Variants in ZNF587B observed in about 807,000 individuals in gnomAD.
ZNF587B encodes zinc finger protein 587B.
In ZNF587B, 6 loss-of-function variants were observed where a neutral mutation model predicts 7.2. The ratio of observed to expected loss-of-function variants is 0.83; its 90% CI spans 0.46 to 1.65. The LOEUF (loss-of-function observed/expected upper bound fraction) is 1.65. Ranked by LOEUF, ZNF587B falls within the 40% of genes most tolerant of loss-of-function variation. The pLI, the probability that ZNF587B is intolerant of heterozygous loss-of-function variation, is 0.01. For synonymous variants in ZNF587B, 274 were observed against 254.3 expected (o/e 1.08, Z -0.74); for missense variants, 749 against 761.0 (o/e 0.98, Z 0.19).
At chr19:57,838,455 G>A (rs1315887991) in intron 1 of ZNF587B, among the ~76,000 whole-genome samples, 1 of 151,794 alleles carries the variant, frequency 6.6e-6, no homozygotes, top group African/African-American at 2.4e-5. Context: ...ATAAAAATTA[G>A]CCAGATGTGG....
chr19:57,836,961 A>T (rs1427783960), intron 1 of ZNF587B, among the ~76,000 whole-genome samples: 1 of 27,352 alleles, frequency 3.7e-5, no homozygotes, highest in African/African-American at 1.5e-4. Context: ...ACTCCGTCAT[A>T]AAAAAAAAAA....
In ZNF587B at chr19:57,841,626, A is replaced by G. The variant is rs1384487155; in HGVS notation, c.952A>G (p.Lys318Glu). Residue 318 changes from lysine to glutamate, a missense_variant, in exon 3 of 3, where the codon AAA becomes GAA. Physicochemically the swap from Lys to Glu is moderately conservative, Grantham distance 56. This residue lies in a region of ZNF587B where 656 missense variants were observed against 596.5 expected (regional missense o/e 1.10). Coordinates refer to ENST00000594901, the MANE Select transcript of ZNF587B (RefSeq NM_001376223.1). Reference sequence around the variant, plus strand: ...AGAAGGATATCTTAGGCGCCATCAAAAAGTTCACGCTGGAAAAGGGCCTTA... The same window carrying G: ...AGAAGGATATCTTAGGCGCCATCAAGAAGTTCACGCTGGAAAAGGGCCTTA... ...SLEGYLRRHQ[K>E]VHAGKGPYEC... 4 of 1,593,460 alleles carry G rather than the reference A, an allele frequency of 2.5e-6. No homozygotes were observed. Among genetic ancestry groups the G allele is most frequent in the Non-Finnish European group, 3.4e-6 (4 of 1,169,748 alleles).
At chr19:57,838,554 T>C (rs1234448193) in intron 1 of ZNF587B, among the ~76,000 whole-genome samples, 1 of 152,176 alleles carries the variant, frequency 6.6e-6, no homozygotes, top group Admixed American at 6.5e-5. Context: ...TGAGCCGAGA[T>C]TGTGCCACTG....
At chr19:57,839,282 T>C (rs1988749950) in intron 2 of ZNF587B, 133 bp downstream of exon 2, 50 of 1,424,378 alleles carry the variant, frequency 3.5e-5, no homozygotes, top group Non-Finnish European at 4.5e-5. Flanking sequence ...AGGTTCTTGG[T>C]TGTAGGACTG....
At position 57,830,450 on chromosome 19, in the gene ZNF587B, C is replaced by T. The variant is rs1988328926; in HGVS notation, c.-79C>T. 13 of 1,497,860 alleles carry T rather than the reference C, an allele frequency of 8.7e-6. No individual in the cohort carries two copies. The Admixed American group carries it at 2.4e-4, about 27-fold the overall frequency. 92.8% of individuals were successfully genotyped at this position (1,497,860 alleles called of 1,614,324 possible). ...GCGCCAAGCGTGACCCACCCCTGGG[C>T]CAGGATAGGGACCGTCATGCCCATA... On this transcript the variant is annotated 5_prime_UTR_variant, in exon 1 of 3. Coordinates refer to ENST00000594901, the MANE Select transcript of ZNF587B (RefSeq NM_001376223.1).
chr19:57,840,378 T>G (rs1261401779), intron 2 of ZNF587B, among the ~76,000 whole-genome samples: 3 of 152,120 alleles, frequency 2.0e-5, no homozygotes, highest in Non-Finnish European at 4.4e-5. Context: ...CCAAATCTCA[T>G]CCATTTTACA....
Position 57,843,148 on chromosome 19 carries a change from C to A in ZNF587B, c.*572C>A. ...TAGCTGGGTCCACAGGCATGCACCACCATGCCTGGCTATTTTCTCATATTA... is the reference window on the plus strand; with the variant it reads ...TAGCTGGGTCCACAGGCATGCACCAACATGCCTGGCTATTTTCTCATATTA... On this transcript the variant is annotated 3_prime_UTR_variant, in exon 3 of 3. Coordinates refer to ENST00000594901, the MANE Select transcript of ZNF587B (RefSeq NM_001376223.1). The A allele has an allele frequency of 1.8e-6, 1 of 544,376 alleles. No homozygotes were observed. The allele number at this position is 544,376 out of a possible 1,614,324, so 33.7% of individuals were successfully genotyped here. A position where few individuals can be genotyped will look rare whatever the true frequency, so the allele number is the denominator to read the frequency against.
chr19:57,836,386 G>A (rs1179890819), intron 1 of ZNF587B, among the ~76,000 whole-genome samples: 5 of 152,194 alleles, frequency 3.3e-5, no homozygotes, highest in Non-Finnish European at 7.3e-5. Flanking sequence ...TGTCAGCTAC[G>A]ATGTAGTGTA....
In ZNF587B at chr19:57,843,754, A is replaced by C. The variant is rs905404413; in HGVS notation, c.*1178A>C. Reference sequence around the variant, plus strand: ...GTAGCTGGGATTACAGGTGCCTGCCACCACACCCAGGTAATTTTTGTACTT... The same window carrying C: ...GTAGCTGGGATTACAGGTGCCTGCCCCCACACCCAGGTAATTTTTGTACTT... On this transcript the variant is annotated 3_prime_UTR_variant, in exon 3 of 3. Transcript: ENST00000594901. Among the ~76,000 whole-genome samples, 6 of 151,640 alleles carry C rather than the reference A, an allele frequency of 4.0e-5. No individual in the cohort carries two copies. In the South Asian group the frequency reaches 1.0e-3, roughly 26 times the overall value.
intron 1 of ZNF587B, among the ~76,000 whole-genome samples, chr19:57,831,280 C>CT (rs1440424040): frequency 1.3e-5 from 2 of 152,128 alleles, no homozygotes; most frequent in African/African-American, 2.4e-5. Flanking sequence ...AAGGGAGAAT[C>CT]TAAAAACAGG....
At position 57,830,439 on chromosome 19, in the gene ZNF587B, C is replaced by A; in HGVS notation, c.-90C>A. ...GCTCTGTGACGGCGCCAAGCGTGAC[C>A]CACCCCTGGGCCAGGATAGGGACCG... is the stretch of plus-strand genomic sequence containing the variant. On this transcript the variant is annotated 5_prime_UTR_variant, in exon 1 of 3. Transcript: ENST00000594901. 3 of 1,435,106 alleles carry A rather than the reference C, an allele frequency of 2.1e-6. No individual in the cohort carries two copies. Among genetic ancestry groups the A allele is most frequent in the Non-Finnish European group, 2.9e-6 (3 of 1,051,376 alleles). The allele number at this position is 1,435,106 out of a possible 1,614,324, so 88.9% of individuals were successfully genotyped here. A position where few individuals can be genotyped will look rare whatever the true frequency, so the allele number is the denominator to read the frequency against.
chr19:57,837,237 T>A (rs372342495), intron 1 of ZNF587B, among the ~76,000 whole-genome samples: 1 of 151,866 alleles, frequency 6.6e-6, no homozygotes, highest in East Asian at 1.9e-4. Flanking sequence ...GTCCCTCTTA[T>A]CAGGCTGTTA....
rs771371494 is a variant in ZNF587B, at chr19:57,843,600, G to GTTTT, written c.*1041_*1044dup. The GTTTT allele has an allele frequency of 3.8e-4, 245 of 648,198 alleles. No individual in the cohort carries two copies. Among genetic ancestry groups the GTTTT allele is most frequent in the Middle Eastern group, 2.4e-3 (3 of 1,252 alleles). The allele number at this position is 648,198 out of a possible 1,614,324, so 40.2% of individuals were successfully genotyped here. A position where few individuals can be genotyped will look rare whatever the true frequency, so the allele number is the denominator to read the frequency against. ...GTTGGTTGGTTGGTTGTTTTTTTTTGTTTTTTTTTTTTTTTTTTTTGGAGA... is the reference window on the plus strand; with the variant it reads ...GTTGGTTGGTTGGTTGTTTTTTTTTGTTTTTTTTTTTTTTTTTTTTTTTTGGAGA... On this transcript the variant is annotated 3_prime_UTR_variant, in exon 3 of 3. Coordinates refer to ENST00000594901, the MANE Select transcript of ZNF587B (RefSeq NM_001376223.1).
At chr19:57,836,960 TAAAAAAA>T (rs71188052) in intron 1 of ZNF587B, among the ~76,000 whole-genome samples, 4 of 106,252 alleles carry the variant, frequency 3.8e-5, no homozygotes, top group Admixed American at 3.0e-4. Context: ...GACTCCGTCA[TAAAAAAA>T]AAAAAAAAAA....
At position 57,845,035 on chromosome 19, in the gene ZNF587B, T is replaced by C. The variant is rs984968827; in HGVS notation, c.*2459T>C. ...TCTGTCACCCAGGCTAGAGTGCTGT[T>C]GCACCATCTCGGCTCACTGCAACCT... On this transcript the variant is annotated 3_prime_UTR_variant, in exon 3 of 3. Transcript: ENST00000594901. The C allele has an allele frequency of 6.6e-6, 1 of 152,086 alleles. No individual in the cohort carries two copies. The highest frequency in any genetic ancestry group is 1.9e-4 in the East Asian group (1 of 5,180). 9.4% of individuals were successfully genotyped at this position (152,086 alleles called of 1,614,324 possible).
Position 57,842,680 on chromosome 19 carries a change from G to C in ZNF587B, c.*104G>C. On this transcript the variant is annotated 3_prime_UTR_variant, in exon 3 of 3. Transcript: ENST00000594901. ...GAAAATGTTTACCCAAAAGAAGTCT[G>C]CTCTCCTTGGACATTGGAGAGTTCA... The C allele has an allele frequency of 7.5e-7, 1 of 1,341,736 alleles. No homozygotes were observed. Among genetic ancestry groups the C allele is most frequent in the Non-Finnish European group, 9.5e-7 (1 of 1,051,966 alleles). The allele number at this position is 1,341,736 out of a possible 1,614,324, so 83.1% of individuals were successfully genotyped here.
At chr19:57,836,348 G>A (rs1988600544) in intron 1 of ZNF587B, among the ~76,000 whole-genome samples, 1 of 152,222 alleles carries the variant, frequency 6.6e-6, no homozygotes, top group Admixed American at 6.5e-5. Context: ...TATTGGATCG[G>A]TTTGAATGGG....
intron 2 of ZNF587B, among the ~76,000 whole-genome samples, chr19:57,840,254 C>T (rs1400908248): frequency 6.6e-6 from 1 of 151,996 alleles, no homozygotes; most frequent in Non-Finnish European, 1.5e-5. Flanking sequence ...GAACATCACA[C>T]TTGTCACTTG....
In ZNF587B at chr19:57,830,544, A is replaced by G. The variant is rs1388475156; in HGVS notation, c.16A>G (p.Thr6Ala). Reference sequence around the variant, plus strand: ...ACGTGGTTCGATGGCGGTGGTGGCCACGCTGAGGCTCTCTGCTCAGGTAAT... The same window carrying G: ...ACGTGGTTCGATGGCGGTGGTGGCCGCGCTGAGGCTCTCTGCTCAGGTAAT... MAVVA[T>A]LRLSAQGTVT... Residue 6 changes from threonine (T) to alanine (A), a missense_variant, in exon 1 of 3, where the codon ACG becomes GCG. Coordinates refer to ENST00000594901, the MANE Select transcript of ZNF587B (RefSeq NM_001376223.1). The G allele has an allele frequency of 2.6e-6, 4 of 1,549,840 alleles. No homozygotes were observed. The highest frequency in any genetic ancestry group is 3.5e-6 in the Non-Finnish European group (4 of 1,147,204).
Sources: allele counts gnomAD v4.1 joint callset (sites outside exome capture counted in the v4.1 genomes callset), GRCh38; gene constraint gnomAD v4.1.1; regional missense constraint gnomAD v4.1.1; transcripts MANE v1.5; gene names NCBI Gene and HGNC (gene_info 2026-07-23, HGNC 2026-07-21).